Variants in TMEM156 observed in about 807,000 individuals in gnomAD.
The protein encoded by TMEM156 is transmembrane protein 156.
Under a neutral mutation model 30.5 loss-of-function variants are expected in TMEM156, and 28 were observed. The observed-to-expected ratio is 0.92, with a 90% CI of 0.68 to 1.26. The LOEUF (loss-of-function observed/expected upper bound fraction) is 1.26. Among genes scored for constraint, TMEM156 ranks in the 50% most tolerant of loss-of-function variants. The probability of loss-of-function intolerance (pLI) is 0.00; values close to 1 mark genes in which losing one functional copy is unlikely to be tolerated. For missense variants in TMEM156, 351 were observed against 340.6 expected (o/e 1.03, Z -0.24); for synonymous variants, 137 against 119.9 (o/e 1.14, Z -0.93).
intron 1 of TMEM156, among the ~76,000 whole-genome samples, chr4:39,025,210 G>C (rs2711972): frequency 0.19 from 28,809 of 151,596 alleles, 3,510 homozygotes; most frequent in African/African-American, 0.34. Flanking sequence ...TTAGCCAGGC[G>C]TGGTGGGGGC....
intron 1 of TMEM156, among the ~76,000 whole-genome samples, chr4:39,013,681 T>C (rs1282817558): frequency 2.0e-5 from 3 of 152,126 alleles, no homozygotes; most frequent in South Asian, 2.1e-4. Context: ...ATTACAGTCA[T>C]GAGCCATCGC....
intron 5 of TMEM156, among the ~76,000 whole-genome samples, chr4:38,981,632 T>A (rs1350362368): frequency 6.6e-6 from 1 of 152,200 alleles, no homozygotes; most frequent in Non-Finnish European, 1.5e-5. Flanking sequence ...ACCCTGGCTC[T>A]GTTAGAAACC....
chr4:38,999,110 A>AT (rs34889728), intron 1 of TMEM156, among the ~76,000 whole-genome samples: 56 of 106,092 alleles, frequency 5.3e-4, no homozygotes, highest in Non-Finnish European at 5.5e-4. Flanking sequence ...TTATTTATTT[A>AT]TTTTTTTTTT....
chr4:38,972,276 C>CA (rs1297874989), intron 5 of TMEM156, among the ~76,000 whole-genome samples: 1 of 92,468 alleles, frequency 1.1e-5, no homozygotes, highest in African/African-American at 4.2e-5. Context: ...TTTTTTGAGA[C>CA]AGAGTCTCAC....
chr4:38,978,570 G>A (rs1055090997), intron 5 of TMEM156, among the ~76,000 whole-genome samples: 1 of 152,102 alleles, frequency 6.6e-6, no homozygotes, highest in Non-Finnish European at 1.5e-5. Flanking sequence ...CAATTCCAGA[G>A]GGCCACCCAT....
intron 1 of TMEM156, among the ~76,000 whole-genome samples, chr4:39,011,697 C>T (rs751504196): frequency 2.6e-5 from 4 of 152,042 alleles, no homozygotes; most frequent in Non-Finnish European, 4.4e-5. Context: ...TGCTTAAACC[C>T]GGGAGGCGGA....
chr4:38,977,375 G>A (rs1046980161), intron 5 of TMEM156, among the ~76,000 whole-genome samples: 2 of 152,304 alleles, frequency 1.3e-5, no homozygotes, highest in South Asian at 2.1e-4. Context: ...AACAGAAAGC[G>A]ATTGCCTGTC....
chr4:39,017,171 C>CTTTT (rs1159565890), intron 1 of TMEM156, among the ~76,000 whole-genome samples: 1,777 of 91,256 alleles, frequency 0.019, 118 homozygotes, highest in African/African-American at 0.031. Context: ...TGTATTTCTT[C>CTTTT]TTTTTTTTTT....
At chr4:38,973,359 C>G (rs1348029937) in intron 5 of TMEM156, among the ~76,000 whole-genome samples, 1 of 151,808 alleles carries the variant, frequency 6.6e-6, no homozygotes, top group African/African-American at 2.4e-5. Flanking sequence ...TACATTTTTC[C>G]TTTATTCAAG....
At chr4:38,991,055 G>A (rs1257557119) in intron 3 of TMEM156, among the ~76,000 whole-genome samples, 6 of 151,124 alleles carry the variant, frequency 4.0e-5, no homozygotes, top group South Asian at 2.1e-4. Flanking sequence ...GGCTGGTCTC[G>A]AACTCTTGAC....
At chr4:39,027,596 C>A (rs1249470533) in intron 1 of TMEM156, among the ~76,000 whole-genome samples, 2 of 127,058 alleles carry the variant, frequency 1.6e-5, no homozygotes, top group Non-Finnish European at 3.2e-5. Flanking sequence ...TGCTCTGTCA[C>A]TCAGGCTGAA....
chr4:39,021,712 C>G (rs1714881460), intron 1 of TMEM156, among the ~76,000 whole-genome samples: 1 of 152,164 alleles, frequency 6.6e-6, no homozygotes, highest in Non-Finnish European at 1.5e-5. Flanking sequence ...AAATAATTGC[C>G]TAGAACAATG....
Position 38,998,874 on chromosome 4 carries a change from AAC to A in TMEM156, c.122_123del (p.Cys41PhefsTer4). ...AGTGAATAGGTAAAATTAGATTGCA[AAC>A]ACACTTCCAGACATGATAGCTCCAA... Reference protein sequence around the residue: ...RTLELSCLEVCLQSNFTYSLS... With the variant: ...RTLELSCLEVXLQSNFTYSLS... On this transcript the variant is annotated frameshift_variant, in exon 2 of 7. Transcript: ENST00000381938. LOFTEE classifies it high-confidence loss of function. 1 of 1,613,776 alleles carries A rather than the reference AAC, an allele frequency of 6.2e-7. No homozygotes were observed. The highest frequency in any genetic ancestry group is 1.1e-5 in the South Asian group (1 of 91,070).
chr4:38,992,675 T>TAA (rs1182134560), intron 3 of TMEM156, among the ~76,000 whole-genome samples: 1 of 47,650 alleles, frequency 2.1e-5, no homozygotes, highest in African/African-American at 6.4e-5. Flanking sequence ...CATATATATA[T>TAA]AATATATTAT....
At chr4:38,985,338 A>G (rs1182563136) in intron 5 of TMEM156, among the ~76,000 whole-genome samples, 1 of 152,226 alleles carries the variant, frequency 6.6e-6, no homozygotes, top group Non-Finnish European at 1.5e-5. Flanking sequence ...GTCATAGCTT[A>G]ATACTTTCAC....
intron 6 of TMEM156, among the ~76,000 whole-genome samples, chr4:38,968,566 T>C (rs1314811280): frequency 3.9e-5 from 6 of 152,330 alleles, no homozygotes; most frequent in African/African-American, 1.4e-4. Flanking sequence ...AAAGAGGAAC[T>C]CTTCAGATGC....
chr4:39,005,334 A>G (rs1713658020), intron 1 of TMEM156, among the ~76,000 whole-genome samples: 1 of 152,102 alleles, frequency 6.6e-6, no homozygotes, highest in Non-Finnish European at 1.5e-5. Context: ...CCCCCAGGCT[A>G]TTCTTGGGAT....
Position 38,971,151 on chromosome 4 carries a change from A to G in TMEM156, c.824-14T>C. The G allele has an allele frequency of 6.2e-7, 1 of 1,613,374 alleles. No homozygotes were observed. Among genetic ancestry groups the G allele is most frequent in the Non-Finnish European group, 8.5e-7 (1 of 1,179,370 alleles). ...GCGTGGTCTCTGCTATTTAAGAAGG[A>G]GAACTGTTTTAGTCTATATGTAGTA... is the stretch of plus-strand genomic sequence containing the variant. On this transcript the variant is annotated splice_polypyrimidine_tract_variant and intron_variant, in intron 5 of 6. Coordinates refer to ENST00000381938, the MANE Select transcript of TMEM156 (RefSeq NM_024943.3).
At chr4:38,990,324 A>G (rs1712329677) in intron 3 of TMEM156, among the ~76,000 whole-genome samples, 1 of 152,194 alleles carries the variant, frequency 6.6e-6, no homozygotes, top group Non-Finnish European at 1.5e-5. Context: ...GCAGAGGTGG[A>G]TTAGGATGGC....
Sources: allele counts gnomAD v4.1 joint callset (sites outside exome capture counted in the v4.1 genomes callset), GRCh38; gene constraint gnomAD v4.1.1; transcripts MANE v1.5; gene names NCBI Gene and HGNC (gene_info 2026-07-23, HGNC 2026-07-21).